The following TRIM6 variants were observed in gnomAD, a reference collection of about 807,000 sequenced individuals.
The protein encoded by TRIM6 is tripartite motif containing 6.
A neutral mutation model predicts 51.2 loss-of-function variants in TRIM6; 43 were observed. The observed-to-expected ratio is 0.84, with a 90% CI of 0.66 to 1.08. TRIM6 has a LOEUF of 1.08. Ranked by LOEUF, TRIM6 falls within the 50% of genes least tolerant of loss-of-function variation. The pLI, the probability that TRIM6 is intolerant of heterozygous loss-of-function variation, is 0.00. For synonymous variants in TRIM6, 215 were observed against 232.4 expected (o/e 0.93, Z 0.68); for missense variants, 669 against 619.0 (o/e 1.08, Z -0.86).
At chr11:5,596,529 T>TCCCCTC (rs1847464764), upstream of TRIM6, 1 of 5,504 alleles carries the variant, frequency 1.8e-4, no homozygotes, top group Non-Finnish European at 4.0e-4. Flanking sequence ...CTTCCCCCCT[T>TCCCCTC]CCCCCTTCCC....
At chr11:5,608,113 TACATA>T (rs1370379282) in intron 4 of TRIM6, among the ~76,000 whole-genome samples, 1 of 152,214 alleles carries the variant, frequency 6.6e-6, no homozygotes, top group Non-Finnish European at 1.5e-5. Flanking sequence ...ATGCTATACA[TACATA>T]ACATTACACA....
chr11:5,598,616 C>CT (rs1259033088), intron 1 of TRIM6, among the ~76,000 whole-genome samples: 1 of 152,100 alleles, frequency 6.6e-6, no homozygotes, highest in African/African-American at 2.4e-5. Flanking sequence ...GATCCTTTAA[C>CT]TTTTTTAAAC....
chr11:5,600,097 A>G (rs1220800549), intron 1 of TRIM6, among the ~76,000 whole-genome samples: 2 of 152,232 alleles, frequency 1.3e-5, no homozygotes, highest in Non-Finnish European at 2.9e-5. Flanking sequence ...TAGTACTACC[A>G]GTTAGATGCA....
chr11:5,599,432 C>T (rs1455759664), intron 1 of TRIM6, among the ~76,000 whole-genome samples: 3 of 129,564 alleles, frequency 2.3e-5, no homozygotes, highest in Non-Finnish European at 5.1e-5. Context: ...GAGACGGAGT[C>T]TCGCTCTGTC....
chr11:5,596,515 T>TCCCCTTCC (rs1364649413), upstream of TRIM6: 14 of 24,860 alleles, frequency 5.6e-4, no homozygotes, highest in African/African-American at 1.7e-3. Context: ...TCCCCCGTTC[T>TCCCCTTCC]CCCCTTCCCC....
chr11:5,607,198 C>T (rs1023947904), intron 4 of TRIM6, among the ~76,000 whole-genome samples: 5 of 150,722 alleles, frequency 3.3e-5, no homozygotes, highest in African/African-American at 4.9e-5. Flanking sequence ...AGCAAGACTC[C>T]ATCTCAAAAA....
rs141046578 is a variant in TRIM6, at chr11:5,601,404, A to G, written c.18-1842A>G. 5.5e-3 allele frequency among the ~76,000 whole-genome samples: 843 copies of G among 152,350 alleles called. 6 individuals are homozygous for G. The highest frequency in any genetic ancestry group is 0.016 in the African/African-American group (668 of 41,588). ...GCAGAGTTGTCCATGAGGGATAAAGAAAGCAAGAGAATGTGATTTCTAAAT... is the reference window on the plus strand; with the variant it reads ...GCAGAGTTGTCCATGAGGGATAAAGGAAGCAAGAGAATGTGATTTCTAAAT... On this transcript the variant is annotated intron_variant, in intron 1 of 7. Coordinates refer to ENST00000380097, the MANE Select transcript of TRIM6 (RefSeq NM_001003818.3).
intron 6 of TRIM6, 79 bp downstream of exon 6, chr11:5,610,324 G>A (rs1848494950): frequency 1.9e-6 from 3 of 1,599,802 alleles, no homozygotes; most frequent in Admixed American, 3.4e-5. Flanking sequence ...GGCTATAGTC[G>A]GTATTTGAGC....
chr11:5,596,522 CCCCCCTTCCCCCTT>C (rs766962700), upstream of TRIM6: 480 of 29,264 alleles, frequency 0.016, 13 homozygotes, highest in African/African-American at 0.043. Context: ...TTCTCCCCTT[CCCCCCTTCCCCCTT>C]CCCCCTTCCC....
chr11:5,611,868 A>G lies in TRIM6; in HGVS notation c.*526A>G, dbSNP rs1848592646. 2 of 152,890 alleles carry G rather than the reference A, an allele frequency of 1.3e-5. No individual in the cohort carries two copies. The highest frequency in any genetic ancestry group is 2.4e-5 in the African/African-American group (1 of 41,452). 9.5% of individuals were successfully genotyped at this position (152,890 alleles called of 1,614,324 possible). A position where few individuals can be genotyped will look rare whatever the true frequency, so the allele number is the denominator to read the frequency against. On this transcript the variant is annotated 3_prime_UTR_variant, in exon 8 of 8. Coordinates refer to ENST00000380097, the MANE Select transcript of TRIM6 (RefSeq NM_001003818.3). Reference sequence around the variant, plus strand: ...TAGGGGGCGCTTTCAGTATTTTGCCATTAAGCATAGTATTTGATGCAGGTT... The same window carrying G: ...TAGGGGGCGCTTTCAGTATTTTGCCGTTAAGCATAGTATTTGATGCAGGTT...
chr11:5,596,467 G>C (rs1847450234), upstream of TRIM6, among the ~76,000 whole-genome samples: 1 of 148,692 alleles, frequency 6.7e-6, no homozygotes, highest in East Asian at 2.0e-4. Context: ...AAACCATTTT[G>C]TCAGGCGTGG....
chr11:5,596,863 T>A lies in TRIM6; in HGVS notation c.-35T>A, dbSNP rs754914911. 6.2e-7 allele frequency: 1 copy of A among 1,613,882 alleles called. No homozygotes were observed. The highest frequency in any genetic ancestry group is 8.5e-7 in the Non-Finnish European group (1 of 1,179,926). On this transcript the variant is annotated 5_prime_UTR_variant, in exon 1 of 8. Coordinates refer to ENST00000380097, the MANE Select transcript of TRIM6 (RefSeq NM_001003818.3). The stretch of plus-strand genomic sequence containing the variant: ...AAGAGCTTTGACCACCTGATATTGC[T>A]TACATCTGGAACTTCTTGGCTTCTC...
chr11:5,596,926 G>C lies in TRIM6; in HGVS notation c.17+12G>C, dbSNP rs764774349. 6.2e-7 allele frequency: 1 copy of C among 1,614,042 alleles called. No individual in the cohort carries two copies. The highest frequency in any genetic ancestry group is 1.3e-5 in the African/African-American group (1 of 75,012). On this transcript the variant is annotated intron_variant, in intron 1 of 7. Transcript: ENST00000380097. ...TGCGGGTCAGAGAGGTATGTCTACC[G>C]TTCTGTTGACTGGCTCTTATTGTCA...
chr11:5,609,231 G>A (rs1332022940), intron 5 of TRIM6, among the ~76,000 whole-genome samples: 1 of 152,074 alleles, frequency 6.6e-6, no homozygotes. Flanking sequence ...ACACGAAATG[G>A]GAACCCTATC....
At chr11:5,610,268 G>C (rs1848491116) in intron 6 of TRIM6, 23 bp downstream of exon 6, 2 of 1,613,916 alleles carry the variant, frequency 1.2e-6, no homozygotes, top group Non-Finnish European at 1.7e-6. Flanking sequence ...AGGGGAAAGA[G>C]TTTGGATGTG....
chr11:5,604,618 A>T lies in TRIM6; in HGVS notation c.592A>T (p.Thr198Ser). 1.2e-6 allele frequency: 2 copies of T among 1,611,648 alleles called. No homozygotes were observed. The highest frequency in any genetic ancestry group is 1.7e-6 in the Non-Finnish European group (2 of 1,179,060). Residue 198 changes from threonine to serine, a missense_variant, in exon 3 of 8, where the codon ACA becomes TCA. Transcript: ENST00000380097. The part of the protein sequence containing the change: ...KLTAFIREKK[T>S]SWKNQMEPER... Reference sequence around the variant, plus strand: ...AACAGCTTTTATCAGAGAGAAGAAAACATCCTGGAAGGCAAGGGAGACTTT... The same window carrying T: ...AACAGCTTTTATCAGAGAGAAGAAATCATCCTGGAAGGCAAGGGAGACTTT...
chr11:5,598,012 A>T (rs1847578777), intron 1 of TRIM6, among the ~76,000 whole-genome samples: 1 of 152,242 alleles, frequency 6.6e-6, no homozygotes, highest in South Asian at 2.1e-4. Context: ...GCTAGTTAGC[A>T]GACCTTTTTC....
At position 5,605,376 on chromosome 11, in the gene TRIM6, T is replaced by G. The variant is rs1187925326; in HGVS notation, c.643T>G (p.Phe215Val). 2 of 1,614,070 alleles carry G rather than the reference T, an allele frequency of 1.2e-6. No individual in the cohort carries two copies. The highest frequency in any genetic ancestry group is 8.5e-7 in the Non-Finnish European group (1 of 1,180,024). The change falls in exon 4 of 8, where the codon TTT (phenylalanine) becomes GTT (valine). Residue 215 changes from phenylalanine to valine, a missense_variant. By Grantham distance (50) the Phe-to-Val change is conservative (BLOSUM62 -1). Coordinates refer to ENST00000380097, the MANE Select transcript of TRIM6 (RefSeq NM_001003818.3). ...TGAGAGATGCAGGATCCAGACAGAGTTTAATCAGCTGCGAAATATCCTAGA... is the reference window on the plus strand; with the variant it reads ...TGAGAGATGCAGGATCCAGACAGAGGTTAATCAGCTGCGAAATATCCTAGA... ...EPERCRIQTE[F>V]NQLRNILDRV...
Position 5,603,231 on chromosome 11 carries a change from T to A in TRIM6, c.18-15T>A, listed in dbSNP as rs1460769977. The stretch of plus-strand genomic sequence containing the variant: ...TTCTTACCCTGATCCTTTTTTTGTT[T>A]GTTCATCTACCTAGGATTCTACAGG... On this transcript the variant is annotated splice_polypyrimidine_tract_variant and intron_variant, in intron 1 of 7. Coordinates refer to ENST00000380097, the MANE Select transcript of TRIM6 (RefSeq NM_001003818.3). 6.2e-7 allele frequency: 1 copy of A among 1,605,012 alleles called. No individual in the cohort carries two copies. Among genetic ancestry groups the A allele is most frequent in the South Asian group, 1.1e-5 (1 of 90,382 alleles).
Sources: gnomAD v4.1 joint callset for allele counts (sites outside exome capture counted in the v4.1 genomes callset) on GRCh38, gnomAD v4.1.1 for gene constraint, MANE v1.5 for transcripts, NCBI Gene and HGNC (gene_info 2026-07-23, HGNC 2026-07-21) for gene names.